Variants in MIB1 observed in about 807,000 individuals in gnomAD.
MIB1 encodes MIB E3 ubiquitin protein ligase 1, also known as E3 ubiquitin-protein ligase MIB1.
Under a neutral mutation model 124.5 loss-of-function variants are expected in MIB1, and 278 were observed. That is an observed-to-expected ratio of 2.23 (90% CI 2.02 to 2.47). The LOEUF is 2.47. Ranked by LOEUF, MIB1 falls within the 30% of genes most tolerant of loss-of-function variation. The pLI is 0.00. For synonymous variants in MIB1, 446 were observed against 429.4 expected (o/e 1.04, Z -0.48); for missense variants, 957 against 1,254.4 (o/e 0.76, Z 3.58).
chr18:21,787,187 A>T (rs1256233779), intron 6 of MIB1, among the ~76,000 whole-genome samples: 1 of 152,080 alleles, frequency 6.6e-6, no homozygotes, highest in African/African-American at 2.4e-5. Context: ...CTTGGGTGTC[A>T]CAAATGTTTG....
At chr18:21,793,816 A>G (rs2041539466) in intron 7 of MIB1, 1 of 147,554 alleles carries the variant, frequency 6.8e-6, no homozygotes, top group Non-Finnish European at 1.5e-5. Flanking sequence ...AAAAAAAGGC[A>G]TATCAGAAAG....
chr18:21,762,936 A>T (rs2041114049), intron 1 of MIB1, among the ~76,000 whole-genome samples: 1 of 152,112 alleles, frequency 6.6e-6, no homozygotes, highest in Admixed American at 6.6e-5. Context: ...TCTGATTATG[A>T]TATTATTTAA....
At chr18:21,820,804 A>G (rs911903696) in intron 12 of MIB1, among the ~76,000 whole-genome samples, 4 of 152,240 alleles carry the variant, frequency 2.6e-5, no homozygotes, top group African/African-American at 9.6e-5. Context: ...TATGAGGCTT[A>G]TAGAGATGAA....
rs2042139683 is a variant in MIB1 at position 21,846,940 on chromosome 18, G to A, written c.2212-4G>A. 6.2e-7 allele frequency: 1 copy of A among 1,611,800 alleles called. No individual in the cohort carries two copies. Among genetic ancestry groups the A allele is most frequent in the Non-Finnish European group, 8.5e-7 (1 of 1,178,802 alleles). On this transcript the variant is annotated splice_region_variant and splice_polypyrimidine_tract_variant and intron_variant, in intron 15 of 20. Transcript: ENST00000261537. ...GAAAATCATGACTCTTTATTTTATT[G>A]CAGTTAATAATGGGACTTGGTACCC...
In MIB1 at chr18:21,741,000, G is replaced by T. The variant is rs935283143; in HGVS notation, c.-584G>T. Among the ~76,000 whole-genome samples the T allele has an allele frequency of 6.6e-6, 1 of 152,172 alleles. No individual in the cohort carries two copies. Among genetic ancestry groups the T allele is most frequent in the African/African-American group, 2.4e-5 (1 of 41,468 alleles). ...GGGACTCTGTGGCGGGGCGGAGCGC[G>T]GCGGCTGGTGCGGGGGCAGAGAGAA... On this transcript the variant is annotated 5_prime_UTR_variant, in exon 1 of 21. Coordinates refer to ENST00000261537, the MANE Select transcript of MIB1 (RefSeq NM_020774.4).
chr18:21,710,416 T>C (rs1385772036), intron 1 of MIB1, among the ~76,000 whole-genome samples: 1 of 152,036 alleles, frequency 6.6e-6, no homozygotes, highest in Non-Finnish European at 1.5e-5. Context: ...ATTGGATAAA[T>C]ACAATACTAA....
chr18:21,850,362 C>T (rs2042170426), intron 17 of MIB1, among the ~76,000 whole-genome samples: 1 of 151,858 alleles, frequency 6.6e-6, no homozygotes, highest in African/African-American at 2.4e-5. Flanking sequence ...TTTTCCATTC[C>T]CTTCTTTTTA....
intron 11 of MIB1, 102 bp from the exon 12 acceptor site, chr18:21,819,393 G>T: frequency 1.5e-6 from 1 of 673,002 alleles, no homozygotes; most frequent in South Asian, 2.4e-5. Flanking sequence ...GGTATTTGTT[G>T]GATGTGGTCT....
chr18:21,819,712 C>G, intron 12 of MIB1, 66 bp downstream of exon 12: 1 of 1,129,434 alleles, frequency 8.9e-7, no homozygotes, highest in South Asian at 2.6e-5. Context: ...TTCTCTTTTT[C>G]TGATACTGAT....
chr18:21,800,617 A>G (rs1406181785), intron 9 of MIB1, among the ~76,000 whole-genome samples: 1 of 152,166 alleles, frequency 6.6e-6, no homozygotes, highest in Non-Finnish European at 1.5e-5. Context: ...GGTGTCAGCC[A>G]AGAAGTTGTA....
At chr18:21,863,366 G>A (rs2042293252) in intron 20 of MIB1, among the ~76,000 whole-genome samples, 1 of 152,176 alleles carries the variant, frequency 6.6e-6, no homozygotes, top group Non-Finnish European at 1.5e-5. Context: ...GGTGTGTCCC[G>A]AGCTCTTGTC....
chr18:21,783,277 C>CT (rs2041392387), intron 6 of MIB1, among the ~76,000 whole-genome samples: 1 of 150,832 alleles, frequency 6.6e-6, no homozygotes, highest in Non-Finnish European at 1.5e-5. Flanking sequence ...GAATCTTACT[C>CT]TGTCGCCCAG....
chr18:21,843,119 C>G lies in MIB1; in HGVS notation c.1963-12C>G. The G allele has an allele frequency of 6.3e-7, 1 of 1,591,668 alleles. No homozygotes were observed. Among genetic ancestry groups the G allele is most frequent in the Non-Finnish European group, 8.6e-7 (1 of 1,169,012 alleles). On this transcript the variant is annotated splice_polypyrimidine_tract_variant and intron_variant, in intron 13 of 20. Transcript: ENST00000261537. ...AAATTTTAACCATTTAACATTTGTT[C>G]TTCTCGTTCAGGGTAATGCAAACCT...
chr18:21,773,678 C>T lies in MIB1; in HGVS notation c.586C>T (p.Leu196Phe), dbSNP rs746118267. The change falls in exon 4 of 21, where the codon CTC (leucine) becomes TTC (phenylalanine). Residue 196 changes from leucine to phenylalanine, a missense_variant. By Grantham distance (22) the Leu-to-Phe change is conservative. Coordinates refer to ENST00000261537, the MANE Select transcript of MIB1 (RefSeq NM_020774.4). ...ASSPHSAAYV[L>F]WDNGAKNLYR... ...AAGCCCACATAGCGCAGCATATGTC[C>T]TCTGGGATAATGGTGCTAAGAACCT... 8.1e-6 allele frequency: 13 copies of T among 1,608,932 alleles called. No individual in the cohort carries two copies. The highest frequency in any genetic ancestry group is 2.7e-5 in the African/African-American group (2 of 74,514).
intron 7 of MIB1, chr18:21,793,812 A>AAAAAAG (rs2041539151): frequency 7.1e-6 from 1 of 140,518 alleles, no homozygotes; most frequent in Non-Finnish European, 1.5e-5. Flanking sequence ...AAAAAAAAAA[A>AAAAAAG]GGCATATCAG....
At chr18:21,859,796 G>A (rs1445625202) in intron 20 of MIB1, among the ~76,000 whole-genome samples, 1 of 149,846 alleles carries the variant, frequency 6.7e-6, no homozygotes, top group Non-Finnish European at 1.5e-5. Context: ...GGCTGAGTCA[G>A]GAGAGTCGCT....
At chr18:21,786,329 C>G (rs1237354614) in intron 6 of MIB1, among the ~76,000 whole-genome samples, 1 of 152,156 alleles carries the variant, frequency 6.6e-6, no homozygotes, top group Non-Finnish European at 1.5e-5. Flanking sequence ...AATCTCCTGA[C>G]CTTGTGATCC....
At chr18:21,837,657 T>G (rs928296252) in intron 12 of MIB1, among the ~76,000 whole-genome samples, 4 of 152,268 alleles carry the variant, frequency 2.6e-5, no homozygotes, top group Admixed American at 2.0e-4. Flanking sequence ...TCTTTAATTC[T>G]CTTTTGTATA....
At chr18:21,792,488 T>TC (rs1264085462) in intron 7 of MIB1, among the ~76,000 whole-genome samples, 1 of 152,174 alleles carries the variant, frequency 6.6e-6, no homozygotes, top group Admixed American at 6.5e-5. Context: ...GTCCTGACCC[T>TC]CCATTAGCCC....
Sources: allele counts gnomAD v4.1 joint callset (sites outside exome capture counted in the v4.1 genomes callset), GRCh38; gene constraint gnomAD v4.1.1; transcripts MANE v1.5; gene names NCBI Gene and HGNC (gene_info 2026-07-23, HGNC 2026-07-21).